MALRD1: variants seen among roughly 807,000 people sequenced by gnomAD.
MALRD1 encodes MAM and LDL receptor class A domain containing 1.
A neutral mutation model predicts 242.1 loss-of-function variants in MALRD1; 247 were observed. That is an observed-to-expected ratio of 1.02 (90% CI 0.92 to 1.13). The LOEUF (loss-of-function observed/expected upper bound fraction) is 1.13. MALRD1 is among the 50% of genes most tolerant of loss of function. MALRD1 has a pLI of 0.00. For synonymous variants in MALRD1, 995 were observed against 866.6 expected, an observed-to-expected ratio of 1.15 and a Z score of -2.60; for missense variants, 2,989 against 2,533.1, an observed-to-expected ratio of 1.18 and a Z score of -3.86.
At chr10:19,225,689 A>G (rs1741846956) in intron 18 of MALRD1, among the ~76,000 whole-genome samples, 1 of 152,162 alleles carries the variant, frequency 6.6e-6, no homozygotes, top group Non-Finnish European at 1.5e-5. Context: ...CACCTAAAGT[A>G]TAAGCCCTTC....
At chr10:19,579,888 G>A (rs1350026049) in intron 33 of MALRD1, among the ~76,000 whole-genome samples, 1 of 152,162 alleles carries the variant, frequency 6.6e-6, no homozygotes, top group African/African-American at 2.4e-5. Context: ...TGAGGATTTG[G>A]GGAATGCTTT....
At chr10:19,319,708 G>A (rs1395517571) in intron 21 of MALRD1, among the ~76,000 whole-genome samples, 1 of 151,946 alleles carries the variant, frequency 6.6e-6, no homozygotes, top group East Asian at 1.9e-4. Flanking sequence ...GCGGTAGAAG[G>A]GACTTGCTAG....
rs76153495 is a variant in MALRD1, at chr10:19,241,846, C to T, written c.2992-15838C>T. On this transcript the variant is annotated intron_variant, in intron 18 of 39. Coordinates refer to ENST00000454679, the MANE Select transcript of MALRD1 (RefSeq NM_001142308.3). ...TCTTGGGTGCATGCTATTTAATTTC[C>T]ATGTTTTTATAAAATTTCCAAGGGC... 0.015 allele frequency among the ~76,000 whole-genome samples: 2,317 copies of T among 152,020 alleles called. 80 individuals are homozygous for T. In the East Asian group the frequency reaches 0.16, roughly 11 times the overall value.
intron 14 of MALRD1, among the ~76,000 whole-genome samples, chr10:19,199,723 C>G (rs1026088488): frequency 6.6e-6 from 1 of 152,024 alleles, no homozygotes; most frequent in African/African-American, 2.4e-5. Flanking sequence ...ATTGCTTGAA[C>G]CCGGGAGGTG....
intron 11 of MALRD1, among the ~76,000 whole-genome samples, chr10:19,151,369 A>T (rs566927989): frequency 2.8e-4 from 42 of 152,250 alleles, no homozygotes; most frequent in South Asian, 6.2e-4. Context: ...TTTTATAGAA[A>T]ATATTGACCT....
intron 13 of MALRD1, among the ~76,000 whole-genome samples, chr10:19,174,708 T>C (rs1485142925): frequency 6.6e-6 from 1 of 152,186 alleles, no homozygotes; most frequent in Non-Finnish European, 1.5e-5. Context: ...AACCACTGTA[T>C]GTGGTTATTG....
chr10:19,096,416 T>C (rs1482698653), intron 4 of MALRD1, among the ~76,000 whole-genome samples: 3 of 152,208 alleles, frequency 2.0e-5, no homozygotes, highest in Non-Finnish European at 4.4e-5. Context: ...AAATACGTTA[T>C]TGCTGATGTG....
chr10:19,621,351 TAAAAAAA>T (rs56041015), intron 36 of MALRD1, among the ~76,000 whole-genome samples: 1 of 121,874 alleles, frequency 8.2e-6, no homozygotes, highest in Non-Finnish European at 1.7e-5. Context: ...TAAAAATATG[TAAAAAAA>T]AAAAAAAAAA....
intron 36 of MALRD1, among the ~76,000 whole-genome samples, chr10:19,688,529 G>A (rs1256732684): frequency 3.3e-5 from 5 of 152,106 alleles, no homozygotes; most frequent in Non-Finnish European, 5.9e-5. Flanking sequence ...CCAAAGTGCT[G>A]GAATTACAGG....
At chr10:19,377,696 T>C (rs1845669604) in intron 26 of MALRD1, among the ~76,000 whole-genome samples, 1 of 152,108 alleles carries the variant, frequency 6.6e-6, no homozygotes, top group African/African-American at 2.4e-5. Flanking sequence ...AGAACAAATT[T>C]GTTACAATGA....
intron 10 of MALRD1, among the ~76,000 whole-genome samples, chr10:19,139,562 T>C: frequency 6.6e-6 from 1 of 152,172 alleles, no homozygotes; most frequent in South Asian, 2.1e-4. Context: ...GGATTGTCAG[T>C]TGGTATTCCA....
At chr10:19,589,743 A>G (rs1039372078) in intron 33 of MALRD1, among the ~76,000 whole-genome samples, 8 of 152,198 alleles carry the variant, frequency 5.3e-5, no homozygotes, top group African/African-American at 9.7e-5. Context: ...ACAGTCATCA[A>G]CGTTTCTGAG....
intron 21 of MALRD1, among the ~76,000 whole-genome samples, chr10:19,315,184 A>AAATATAATTTATATAAATATG (rs1842609356): frequency 7.7e-5 from 9 of 117,546 alleles, no homozygotes; most frequent in African/African-American, 3.3e-4. Context: ...ATATAAATAT[A>AAATATAATTTATATAAATATG]TAAATATAAT....
intron 32 of MALRD1, among the ~76,000 whole-genome samples, chr10:19,563,287 T>G (rs1836088452): frequency 6.6e-6 from 1 of 152,222 alleles, no homozygotes; most frequent in Non-Finnish European, 1.5e-5. Flanking sequence ...CTGTATCAAC[T>G]TACCTTAAAA....
Position 19,519,109 on chromosome 10 carries a change from GTATA to G in MALRD1, c.5321-12082_5321-12079del, listed in dbSNP as rs371130528. Among the ~76,000 whole-genome samples the G allele has an allele frequency of 2.1e-3, 317 of 152,038 alleles. 1 individual carries two copies. Among genetic ancestry groups the G allele is most frequent in the Middle Eastern group, 6.8e-3 (2 of 292 alleles). On this transcript the variant is annotated intron_variant, in intron 31 of 39. Transcript: ENST00000454679. ...CATGTTTACCATTACTTAAAAAAAT[GTATA>G]TACTTGTTCTAATTTTCTTTCATTG...
chr10:19,483,465 C>T (rs1373993067), intron 29 of MALRD1, among the ~76,000 whole-genome samples: 1 of 152,092 alleles, frequency 6.6e-6, no homozygotes, highest in Admixed American at 6.5e-5. Flanking sequence ...CAAAAAAACC[C>T]ATTAAAAAGT....
chr10:19,291,597 T>G (rs2131921579), intron 21 of MALRD1: 1 of 152,100 alleles, frequency 6.6e-6, no homozygotes, highest in African/African-American at 2.4e-5. Flanking sequence ...TTTTACAAAT[T>G]CTAGATGCTT....
chr10:19,457,616 C>A (rs781728956), intron 29 of MALRD1, among the ~76,000 whole-genome samples: 13 of 151,328 alleles, frequency 8.6e-5, no homozygotes, highest in South Asian at 2.1e-4. Flanking sequence ...CTAGAACGTC[C>A]CTTCTTATCT....
intron 31 of MALRD1, among the ~76,000 whole-genome samples, chr10:19,527,009 T>G (rs1834131218): frequency 6.6e-6 from 1 of 152,130 alleles, no homozygotes; most frequent in African/African-American, 2.4e-5. Flanking sequence ...ACACACCCCA[T>G]TAGAAAATAA....
Sources: allele counts gnomAD v4.1 joint callset (sites outside exome capture counted in the v4.1 genomes callset), GRCh38; gene constraint gnomAD v4.1.1; transcripts MANE v1.5; gene names NCBI Gene and HGNC (gene_info 2026-07-23, HGNC 2026-07-21).